Variants in PCDHGB5 observed in about 807,000 individuals in gnomAD.
The protein encoded by PCDHGB5 is protocadherin gamma subfamily B, 5, also known as protocadherin gamma-B5.
In PCDHGB5, 48 loss-of-function variants were observed where a neutral mutation model predicts 62.9. The observed-to-expected ratio is 0.76, with a 90% CI of 0.61 to 0.97. The LOEUF (loss-of-function observed/expected upper bound fraction) is 0.97, where lower values mean the gene tolerates loss of function less well. Ranked by LOEUF, PCDHGB5 falls within the 50% of genes least tolerant of loss-of-function variation. The pLI, the probability that PCDHGB5 is intolerant of heterozygous loss-of-function variation, is 0.00. For synonymous variants in PCDHGB5, 474 were observed against 511.2 expected, an observed-to-expected ratio of 0.93 and a Z score of 0.98; for missense variants, 1,118 against 1,198.6, an observed-to-expected ratio of 0.93 and a Z score of 0.99.
rs1452737362 is a variant in PCDHGB5, at chr5:141,432,324, A to G, written c.2397+31800A>G. On this transcript the variant is annotated intron_variant, in intron 1 of 3. Transcript: ENST00000617380. The surrounding 1 kb of genome is among the most constrained non-coding windows in gnomAD (Gnocchi z 6.0). ...CTGTATGCGCTGAGCTCCTTCGACTACGAGCAGTTCCGAGACTTGCAAGTG... is the reference window on the plus strand; with the variant it reads ...CTGTATGCGCTGAGCTCCTTCGACTGCGAGCAGTTCCGAGACTTGCAAGTG... 3 of 1,614,058 alleles carry G rather than the reference A, an allele frequency of 1.9e-6. No homozygotes were observed. The highest frequency in any genetic ancestry group is 2.7e-5 in the African/African-American group (2 of 74,910).
At chr5:141,496,509 C>A (rs955577717) in intron 2 of PCDHGB5, among the ~76,000 whole-genome samples, 3 of 152,168 alleles carry the variant, frequency 2.0e-5, no homozygotes, top group Non-Finnish European at 4.4e-5. Context: ...GCCACAAGGA[C>A]CCAGGAGCCC....
At position 141,422,330 on chromosome 5, in the gene PCDHGB5, C is replaced by T. The variant is rs200342957; in HGVS notation, c.2397+21806C>T. 1,454 of 1,548,164 alleles carry T rather than the reference C, an allele frequency of 9.4e-4. 3 individuals carry two copies. The highest frequency in any genetic ancestry group is 7.9e-4 in the Non-Finnish European group (910 of 1,153,526). On this transcript the variant is annotated intron_variant, in intron 1 of 3. Transcript: ENST00000617380. The stretch of plus-strand genomic sequence containing the variant: ...AACTCTCCTCCAGGTACAGTGATTG[C>T]TCTTCTAAATGTGCAAGATCAAGAT...
Position 141,400,535 on chromosome 5 carries a change from T to C in PCDHGB5, c.2397+11T>C, listed in dbSNP as rs753705723. 2.5e-6 allele frequency: 4 copies of C among 1,613,958 alleles called. No individual in the cohort carries two copies. In the South Asian group the frequency reaches 4.4e-5, roughly 18 times the overall value. ...TCCCATCCTGAGTTGGTGAGTTTCATTTATGTCTATTCTTTTTCATTACCC... is the reference window on the plus strand; with the variant it reads ...TCCCATCCTGAGTTGGTGAGTTTCACTTATGTCTATTCTTTTTCATTACCC... On this transcript the variant is annotated intron_variant, in intron 1 of 3. Transcript: ENST00000617380.
At chr5:141,402,103 A>C (rs565155809) in intron 1 of PCDHGB5, among the ~76,000 whole-genome samples, 3 of 152,336 alleles carry the variant, frequency 2.0e-5, no homozygotes, top group African/African-American at 4.8e-5. Flanking sequence ...TTAAGCAATT[A>C]CAAAAATGTG....
At chr5:141,404,791 G>A (rs747844350) in intron 1 of PCDHGB5, 2 of 1,613,932 alleles carry the variant, frequency 1.2e-6, no homozygotes, top group Non-Finnish European at 8.5e-7. Flanking sequence ...AGGCCAGTGA[G>A]CCAGGGCTCT....
chr5:141,432,138 A>C lies in PCDHGB5; in HGVS notation c.2397+31614A>C, dbSNP rs2097456794. On this transcript the variant is annotated intron_variant, in intron 1 of 3. Coordinates refer to ENST00000617380, the MANE Select transcript of PCDHGB5 (RefSeq NM_018925.3). The surrounding 1 kb of genome is among the most constrained non-coding windows in gnomAD (Gnocchi z 6.0). ...TTCCCTCAGGCCTCCTATTCCGCTT[A>C]TATCCCAGAGAACAATCCCAGAGGA... 1 of 1,613,954 alleles carries C rather than the reference A, an allele frequency of 6.2e-7. No individual in the cohort carries two copies. Among genetic ancestry groups the C allele is most frequent in the African/African-American group, 1.3e-5 (1 of 74,882 alleles).
chr5:141,430,521 A>G, intron 1 of PCDHGB5: 1 of 350,390 alleles, frequency 2.9e-6, no homozygotes, highest in Non-Finnish European at 5.1e-6. Context: ...TTGTGCAGTA[A>G]TTGGTTAGGA....
Position 141,438,021 on chromosome 5 carries a change from G to T in PCDHGB5, c.2397+37497G>T, listed in dbSNP as rs112167613. ...CTCCCAAATAGCTGAGATTACAGGT[G>T]TGAGCCACCATGCCCGACCACTTTG... On this transcript the variant is annotated intron_variant, in intron 1 of 3. Transcript: ENST00000617380. Among the ~76,000 whole-genome samples the T allele has an allele frequency of 1.6e-3, 250 of 152,256 alleles. 2 individuals are homozygous for T. Among genetic ancestry groups the T allele is most frequent in the African/African-American group, 5.3e-3 (221 of 41,544 alleles).
At chr5:141,403,574 C>T (rs1441332710) in intron 1 of PCDHGB5, 1 of 1,613,960 alleles carries the variant, frequency 6.2e-7, no homozygotes, top group Non-Finnish European at 8.5e-7. Context: ...GGCAACTGCC[C>T]ACCACCTGGT....
chr5:141,504,941 T>G (rs2099842166), intron 2 of PCDHGB5, among the ~76,000 whole-genome samples: 1 of 152,046 alleles, frequency 6.6e-6, no homozygotes, highest in East Asian at 1.9e-4. Flanking sequence ...GGTGGGGGAA[T>G]GCACTATGTT....
Position 141,437,685 on chromosome 5 carries a change from G to A in PCDHGB5, c.2397+37161G>A, listed in dbSNP as rs116699614. ...GAAGAGATGTTGATCAAACTGATGA[G>A]GCTAAATCTCAAGAAAGAGACACAG... On this transcript the variant is annotated intron_variant, in intron 1 of 3. Coordinates refer to ENST00000617380, the MANE Select transcript of PCDHGB5 (RefSeq NM_018925.3). Among the ~76,000 whole-genome samples the A allele has an allele frequency of 1.0e-2, 1,519 of 151,976 alleles. 34 individuals carry two copies. The highest frequency in any genetic ancestry group is 0.034 in the African/African-American group (1,425 of 41,440).
intron 2 of PCDHGB5, among the ~76,000 whole-genome samples, chr5:141,504,259 G>A (rs1325093588): frequency 6.6e-6 from 1 of 152,126 alleles, no homozygotes; most frequent in Non-Finnish European, 1.5e-5. Flanking sequence ...TTATGGTTTA[G>A]TATTTTTTTA....
rs1004061582 is a variant in PCDHGB5, at chr5:141,477,406, A to C, written c.2398-17401A>C. ...AATACAACCTCAGCATCACCGCCCG[A>C]GACGCCGGAACCCCTTCCCTCTCAG... On this transcript the variant is annotated intron_variant, in intron 1 of 3. Transcript: ENST00000617380. The surrounding 1 kb of genome is among the most constrained non-coding windows in gnomAD (Gnocchi z 4.9). 6.2e-7 allele frequency: 1 copy of C among 1,614,036 alleles called. No homozygotes were observed. Among genetic ancestry groups the C allele is most frequent in the Admixed American group, 1.7e-5 (1 of 59,994 alleles).
At position 141,512,280 on chromosome 5, in the gene PCDHGB5, TGGAAGGGTCAGC is replaced by T. The variant is rs1187119941; in HGVS notation, c.*1111_*1122del. The T allele has an allele frequency of 1.3e-5, 2 of 152,682 alleles. No individual in the cohort carries two copies. Among genetic ancestry groups the T allele is most frequent in the African/African-American group, 2.4e-5 (1 of 41,396 alleles). 9.5% of individuals were successfully genotyped at this position (152,682 alleles called of 1,614,324 possible). ...CTGGGTACTCCAGAGGTGCCACTGGTGGAAGGGTCAGCGGAGCCCCAGCAGGAAGGGTGGGCC... is the reference window on the plus strand; with the variant it reads ...CTGGGTACTCCAGAGGTGCCACTGGTGGAGCCCCAGCAGGAAGGGTGGGCC... On this transcript the variant is annotated 3_prime_UTR_variant, in exon 4 of 4. Transcript: ENST00000617380.
At chr5:141,459,303 T>C (rs1419156629) in intron 1 of PCDHGB5, among the ~76,000 whole-genome samples, 1 of 152,242 alleles carries the variant, frequency 6.6e-6, no homozygotes, top group Non-Finnish European at 1.5e-5. Context: ...CTATAACATA[T>C]ACTATTTTGT....
intron 1 of PCDHGB5, among the ~76,000 whole-genome samples, chr5:141,443,859 GAA>G (rs2098408229): frequency 6.6e-6 from 1 of 152,104 alleles, no homozygotes; most frequent in Non-Finnish European, 1.5e-5. Context: ...TCTGAAAACT[GAA>G]AAAATTACTG....
rs1330257915 is a variant in PCDHGB5 at position 141,486,153 on chromosome 5, C to T, written c.2398-8654C>T. Reference sequence around the variant, plus strand: ...GATGTGCGGGCTCGCGATGGGGGTTCTCCAGCCATGGAGCAACATTGCAGC... The same window carrying T: ...GATGTGCGGGCTCGCGATGGGGGTTTTCCAGCCATGGAGCAACATTGCAGC... On this transcript the variant is annotated intron_variant, in intron 1 of 3. Transcript: ENST00000617380. This position sits in a 1 kb window ranked among gnomAD's most constrained non-coding sequence, Gnocchi z 5.0. 1 of 1,614,084 alleles carries T rather than the reference C, an allele frequency of 6.2e-7. No homozygotes were observed. Among genetic ancestry groups the T allele is most frequent in the Non-Finnish European group, 8.5e-7 (1 of 1,180,036 alleles).
Position 141,477,952 on chromosome 5 carries a change from A to T in PCDHGB5, c.2398-16855A>T, listed in dbSNP as rs907708638. ...CCTGGCTCTCCTACAGTCTCTTGGG[A>T]TCCCCTAACCAGAGCCTTTTTGCCA... On this transcript the variant is annotated intron_variant, in intron 1 of 3. Coordinates refer to ENST00000617380, the MANE Select transcript of PCDHGB5 (RefSeq NM_018925.3). This position sits in a 1 kb window ranked among gnomAD's most constrained non-coding sequence, Gnocchi z 4.9. The T allele has an allele frequency of 1.9e-6, 3 of 1,613,920 alleles. No individual in the cohort carries two copies. The African/African-American group carries it at 4.0e-5, about 22-fold the overall frequency.
intron 1 of PCDHGB5, chr5:141,421,898 A>T: frequency 6.2e-7 from 1 of 1,613,736 alleles, no homozygotes; most frequent in Non-Finnish European, 8.5e-7. Flanking sequence ...CCCATCCGAA[A>T]GGGCGCAGTT....
Sources: allele counts gnomAD v4.1 joint callset (sites outside exome capture counted in the v4.1 genomes callset), GRCh38; gene constraint gnomAD v4.1.1; non-coding constraint Gnocchi (gnomAD v3.1); transcripts MANE v1.5; gene names NCBI Gene and HGNC (gene_info 2026-07-23, HGNC 2026-07-21).